Variants in BTAF1 observed in about 807,000 individuals in gnomAD.
BTAF1 encodes the protein TATA-binding protein-associated factor 172.
A neutral mutation model predicts 227.1 loss-of-function variants in BTAF1; 38 were observed. The observed-to-expected ratio is 0.17, with a 90% CI of 0.13 to 0.22. The LOEUF is 0.22. BTAF1 is among the 10% of genes least tolerant of loss of function. BTAF1 has a pLI of 1.00. For synonymous variants in BTAF1, 742 were observed against 751.9 expected, an observed-to-expected ratio of 0.99 and a Z score of 0.21; for missense variants, 1,598 against 2,204.0, an observed-to-expected ratio of 0.73 and a Z score of 5.51.
intron 14 of BTAF1, among the ~76,000 whole-genome samples, chr10:91,971,263 CTG>C (rs1564683764): frequency 6.6e-6 from 1 of 152,100 alleles, no homozygotes; most frequent in Non-Finnish European, 1.5e-5. Context: ...GAGATGCTGT[CTG>C]TGAAACTTAA....
intron 1 of BTAF1, among the ~76,000 whole-genome samples, chr10:91,926,334 A>G (rs1310778525): frequency 6.6e-6 from 1 of 152,192 alleles, no homozygotes; most frequent in Non-Finnish European, 1.5e-5. Flanking sequence ...TTTTTAGGAC[A>G]TTTCCACCAG....
chr10:91,995,178 A>G (rs1849048851), intron 23 of BTAF1, among the ~76,000 whole-genome samples: 1 of 152,162 alleles, frequency 6.6e-6, no homozygotes, highest in African/African-American at 2.4e-5. Context: ...TTTTTCATAG[A>G]AGAATATTAT....
intron 4 of BTAF1, among the ~76,000 whole-genome samples, chr10:91,944,622 A>G (rs1219617519): frequency 6.6e-6 from 1 of 152,224 alleles, no homozygotes; most frequent in Non-Finnish European, 1.5e-5. Context: ...GGTTTTTAGT[A>G]TACTCACAGG....
chr10:91,976,731 T>TA (rs994505846), intron 14 of BTAF1, among the ~76,000 whole-genome samples: 6 of 152,214 alleles, frequency 3.9e-5, no homozygotes, highest in African/African-American at 1.4e-4. Flanking sequence ...AACTATTCCT[T>TA]ACGATACGAA....
intron 15 of BTAF1, 98 bp downstream of exon 15, chr10:91,980,656 G>A: frequency 1.1e-6 from 1 of 918,048 alleles, no homozygotes; most frequent in Non-Finnish European, 1.7e-6. Flanking sequence ...CATATCTCAT[G>A]GAGATTTGAA....
At chr10:91,954,879 C>G (rs1485360231) in intron 6 of BTAF1, among the ~76,000 whole-genome samples, 1 of 152,072 alleles carries the variant, frequency 6.6e-6, no homozygotes, top group Admixed American at 6.6e-5. Context: ...TTCTTGGGTC[C>G]CACTCAGATC....
intron 25 of BTAF1, among the ~76,000 whole-genome samples, chr10:92,006,684 T>G (rs753595100): frequency 5.9e-5 from 9 of 152,366 alleles, no homozygotes; most frequent in Non-Finnish European, 1.2e-4. Flanking sequence ...ATTTTATCAG[T>G]GACAACAAGT....
chr10:92,011,106 A>T lies in BTAF1; in HGVS notation c.4137A>T (p.Ile1379=), dbSNP rs140069756. ...LQHQVKRHNL[I]VASYDVVRND... ...ACCAAGTAAAAAGGCACAATCTAAT[A>T]GTGGCTTCATATGATGTTGTGAGGA... Residue 1379 remains isoleucine (I), a synonymous_variant, in exon 29 of 38, where the codon ATA becomes ATT. Transcript: ENST00000265990. 1.2e-4 allele frequency: 196 copies of T among 1,607,034 alleles called. No individual in the cohort carries two copies. In the African/African-American group the frequency reaches 1.8e-3, roughly 15 times the overall value.
intron 24 of BTAF1, 65 bp from the exon 25 acceptor site, chr10:91,997,538 A>G (rs1849225987): frequency 1.4e-6 from 2 of 1,406,620 alleles, no homozygotes; most frequent in Non-Finnish European, 2.0e-6. Context: ...AAATCTTGGT[A>G]TCAGTTTGTT....
chr10:91,958,968 T>C (rs570637047), intron 8 of BTAF1, 97 bp from the exon 9 acceptor site: 1 of 1,056,932 alleles, frequency 9.5e-7, no homozygotes, highest in South Asian at 1.5e-5. Context: ...TATTCTAATT[T>C]CTTAAAAATC....
intron 13 of BTAF1, among the ~76,000 whole-genome samples, 192 bp downstream of exon 13, chr10:91,964,393 ATT>A (rs558247649): frequency 6.7e-6 from 1 of 149,040 alleles, no homozygotes; most frequent in Admixed American, 6.7e-5. Context: ...TACAAAGATC[ATT>A]TTTTTTTTAC....
intron 11 of BTAF1, among the ~76,000 whole-genome samples, chr10:91,961,877 T>A (rs576723673): frequency 1.3e-5 from 2 of 152,206 alleles, no homozygotes; most frequent in East Asian, 3.9e-4. Context: ...CATTTTCCTT[T>A]TGGTTGTCGG....
chr10:91,988,293 TG>T (rs1848539472), intron 19 of BTAF1, among the ~76,000 whole-genome samples: 1 of 152,206 alleles, frequency 6.6e-6, no homozygotes, highest in Non-Finnish European at 1.5e-5. Flanking sequence ...TGAATTAATT[TG>T]GGGGTAACTG....
At chr10:91,940,892 C>T (rs961664903) in intron 3 of BTAF1, among the ~76,000 whole-genome samples, 1 of 151,738 alleles carries the variant, frequency 6.6e-6, no homozygotes, top group African/African-American at 2.4e-5. Flanking sequence ...CTTTGTTGGC[C>T]AGGCTCGGGG....
chr10:91,964,647 G>A (rs1172298688), intron 13 of BTAF1, among the ~76,000 whole-genome samples: 2 of 151,782 alleles, frequency 1.3e-5, no homozygotes, highest in Non-Finnish European at 1.5e-5. Flanking sequence ...CTTGATTTCA[G>A]TAATTACTTA....
rs376136095 is a variant in BTAF1 at position 91,971,414 on chromosome 10, A to G, written c.1650+4657A>G. Among the ~76,000 whole-genome samples, 3 of 150,394 alleles carry G rather than the reference A, an allele frequency of 2.0e-5. No individual in the cohort carries two copies. The East Asian group carries it at 5.8e-4, about 29-fold the overall frequency. The stretch of plus-strand genomic sequence containing the variant: ...ATTTTGGTCCCCACATACATGCTTT[A>G]CTATTTTTATTGGCTATTTCATTCT... On this transcript the variant is annotated intron_variant, in intron 14 of 37. Transcript: ENST00000265990.
chr10:91,997,181 A>G (rs1265103952), intron 24 of BTAF1: 25 of 1,277,868 alleles, frequency 2.0e-5, no homozygotes, highest in East Asian at 5.5e-5. Context: ...TAGGCTCACT[A>G]TATCCTGCTG....
At chr10:91,951,201 C>T (rs1845744556) in intron 4 of BTAF1, among the ~76,000 whole-genome samples, 1 of 151,960 alleles carries the variant, frequency 6.6e-6, no homozygotes, top group African/African-American at 2.4e-5. Context: ...GTGAAAACTC[C>T]CAGAATGTTT....
At chr10:91,924,198 C>T (rs1307596861) in intron 1 of BTAF1, 108 bp downstream of exon 1, 1 of 1,433,734 alleles carries the variant, frequency 7.0e-7, no homozygotes, top group African/African-American at 1.5e-5. Flanking sequence ...TCACTGGGCT[C>T]TGGAGCTTTC....
Sources: allele counts gnomAD v4.1 joint callset (sites outside exome capture counted in the v4.1 genomes callset), GRCh38; gene constraint gnomAD v4.1.1; transcripts MANE v1.5; gene names NCBI Gene and HGNC (gene_info 2026-07-23, HGNC 2026-07-21).